The following SGIP1 variants were observed in gnomAD, a reference collection of about 807,000 sequenced individuals.
SGIP1 encodes SH3-containing GRB2-like protein 3-interacting protein 1.
A neutral mutation model predicts 107.5 loss-of-function variants in SGIP1; 38 were observed. That is an observed-to-expected ratio of 0.35 (90% CI 0.27 to 0.46). The LOEUF (loss-of-function observed/expected upper bound fraction) is 0.46. Among genes scored for constraint, SGIP1 ranks in the 20% least tolerant of loss-of-function variants. SGIP1 has a pLI of 1.00. For missense variants in SGIP1, 929 were observed against 1,019.5 expected, an observed-to-expected ratio of 0.91 and a Z score of 1.21; for synonymous variants, 365 against 366.1, an observed-to-expected ratio of 1.00 and a Z score of 0.03.
intron 1 of SGIP1, among the ~76,000 whole-genome samples, chr1:66,587,105 T>A (rs1176695763): frequency 6.6e-6 from 1 of 152,132 alleles, no homozygotes; most frequent in Non-Finnish European, 1.5e-5. Context: ...TTTTTTTCTG[T>A]TTTCTTTTAA....
intron 4 of SGIP1, among the ~76,000 whole-genome samples, chr1:66,638,798 C>A (rs1037316833): frequency 6.6e-6 from 1 of 152,106 alleles, no homozygotes; most frequent in Non-Finnish European, 1.5e-5. Context: ...GTTCAAGTGG[C>A]CTTTATTTGT....
rs528391066 is a variant in SGIP1, at chr1:66,610,982, G to A, written c.11-14865G>A. Among the ~76,000 whole-genome samples, 14 of 152,114 alleles carry A rather than the reference G, an allele frequency of 9.2e-5. No homozygotes were observed. The East Asian group carries it at 2.7e-3, about 29-fold the overall frequency. On this transcript the variant is annotated intron_variant, in intron 1 of 24. Transcript: ENST00000371037. Reference sequence around the variant, plus strand: ...ATGCAATGGACTTTGGAAACTCGGTGGGAAAGGGTGGGAGGGGGGTGAGGG... The same window carrying A: ...ATGCAATGGACTTTGGAAACTCGGTAGGAAAGGGTGGGAGGGGGGTGAGGG...
intron 1 of SGIP1, among the ~76,000 whole-genome samples, chr1:66,534,630 G>C (rs2053147204): frequency 6.6e-6 from 1 of 152,214 alleles, no homozygotes; most frequent in Admixed American, 6.5e-5. Flanking sequence ...AGGGAGCTGA[G>C]ATGGAGCTAG....
intron 1 of SGIP1, among the ~76,000 whole-genome samples, chr1:66,561,720 ACT>A (rs1219341638): frequency 6.6e-6 from 1 of 151,840 alleles, no homozygotes; most frequent in Non-Finnish European, 1.5e-5. Flanking sequence ...CACCTGTCGG[ACT>A]CTCTTGCCCC....
chr1:66,652,039 C>T lies in SGIP1; in HGVS notation c.459+8320C>T, dbSNP rs535189717. Among the ~76,000 whole-genome samples, 22 of 152,144 alleles carry T rather than the reference C, an allele frequency of 1.4e-4. No individual in the cohort carries two copies. The South Asian group carries it at 2.3e-3, about 16-fold the overall frequency. ...GGGAGGTAGTGATGCCCCTATTTTA[C>T]GGAGAAACCAGCACAGAAAGATCAA... On this transcript the variant is annotated intron_variant, in intron 7 of 24. Coordinates refer to ENST00000371037, the MANE Select transcript of SGIP1 (RefSeq NM_032291.4).
chr1:66,702,060 C>T (rs758150826), intron 18 of SGIP1, among the ~76,000 whole-genome samples: 3 of 152,150 alleles, frequency 2.0e-5, no homozygotes, highest in Non-Finnish European at 2.9e-5. Flanking sequence ...TGCAGTGTAT[C>T]GCTGATGAGC....
chr1:66,647,295 A>G (rs2077826183), intron 7 of SGIP1, among the ~76,000 whole-genome samples: 1 of 152,208 alleles, frequency 6.6e-6, no homozygotes, highest in Non-Finnish European at 1.5e-5. Context: ...GAAAGAATAA[A>G]TAAAAAGCAA....
At chr1:66,673,213 T>G in intron 11 of SGIP1, 68 bp from the exon 12 acceptor site, 1 of 1,472,530 alleles carries the variant, frequency 6.8e-7, no homozygotes, top group Non-Finnish European at 9.5e-7. Flanking sequence ...TGTGAAAGCT[T>G]GTATATCTTT....
intron 1 of SGIP1, among the ~76,000 whole-genome samples, chr1:66,552,158 T>C (rs546254998): frequency 6.6e-6 from 1 of 152,264 alleles, no homozygotes; most frequent in Admixed American, 6.5e-5. Flanking sequence ...ATGGGCTTGT[T>C]AAGAAAGCTG....
In SGIP1 at chr1:66,608,486, T is replaced by G. The variant is rs114036185; in HGVS notation, c.11-17361T>G. Among the ~76,000 whole-genome samples the G allele has an allele frequency of 7.5e-3, 1,147 of 152,320 alleles. 18 individuals carry two copies. The highest frequency in any genetic ancestry group is 0.026 in the African/African-American group (1,082 of 41,576). The stretch of plus-strand genomic sequence containing the variant: ...CATTTTTGTAACTATTTTAAACCAT[T>G]TTAAAAGCGCTTTTTACATTGATCA... On this transcript the variant is annotated intron_variant, in intron 1 of 24. Transcript: ENST00000371037.
intron 2 of SGIP1, among the ~76,000 whole-genome samples, chr1:66,627,841 T>C (rs2073248707): frequency 6.6e-6 from 1 of 152,140 alleles, no homozygotes; most frequent in East Asian, 1.9e-4. Context: ...GTTGGTGTGC[T>C]GCATCCATTA....
chr1:66,565,314 AT>A (rs1304500340), intron 1 of SGIP1, among the ~76,000 whole-genome samples: 1 of 152,020 alleles, frequency 6.6e-6, no homozygotes, highest in African/African-American at 2.4e-5. Flanking sequence ...ATGGGCTCTT[AT>A]TTTTGATGGC....
Position 66,681,851 on chromosome 1 carries a change from C to A in SGIP1, c.815-18C>A. On this transcript the variant is annotated intron_variant, in intron 14 of 24. Coordinates refer to ENST00000371037, the MANE Select transcript of SGIP1 (RefSeq NM_032291.4). ...TAATAAGTCAATTAAAGTTTAAAAT[C>A]AACTACTTTAACCACAGGAAATGAC... is the stretch of plus-strand genomic sequence containing the variant. 1 of 1,586,640 alleles carries A rather than the reference C, an allele frequency of 6.3e-7. No individual in the cohort carries two copies. Among genetic ancestry groups the A allele is most frequent in the South Asian group, 1.2e-5 (1 of 86,662 alleles).
At chr1:66,632,337 G>A (rs187060101) in intron 2 of SGIP1, among the ~76,000 whole-genome samples, 1 of 152,302 alleles carries the variant, frequency 6.6e-6, no homozygotes, top group African/African-American at 2.4e-5. Flanking sequence ...TTAGCAAAAT[G>A]TTGTTCTCCA....
At chr1:66,677,745 C>G (rs555803710) in intron 13 of SGIP1, among the ~76,000 whole-genome samples, 1 of 152,272 alleles carries the variant, frequency 6.6e-6, no homozygotes, top group Admixed American at 6.5e-5. Context: ...GTAAAGCCAC[C>G]CTTCTTAAAG....
At chr1:66,625,760 A>C in intron 1 of SGIP1, 87 bp from the exon 2 acceptor site, 1 of 1,124,750 alleles carries the variant, frequency 8.9e-7, no homozygotes, top group African/African-American at 1.6e-5. Context: ...CTAAACATTT[A>C]AGTCTAACTG....
chr1:66,660,598 ATGAC>A (rs1429043521), intron 8 of SGIP1, 74 bp downstream of exon 8: 12 of 1,341,178 alleles, frequency 8.9e-6, no homozygotes, highest in Admixed American at 1.7e-5. Flanking sequence ...TGCATATCTA[ATGAC>A]TGACTGTGTT....
At position 66,553,977 on chromosome 1, in the gene SGIP1, G is replaced by C. The variant is rs141365979; in HGVS notation, c.10+19609G>C. Among the ~76,000 whole-genome samples, 392 of 152,244 alleles carry C rather than the reference G, an allele frequency of 2.6e-3. 2 individuals are homozygous for C. Among genetic ancestry groups the C allele is most frequent in the African/African-American group, 9.2e-3 (383 of 41,558 alleles). On this transcript the variant is annotated intron_variant, in intron 1 of 24. Transcript: ENST00000371037. ...GTGTCCAGCAGGATGTGTCTGGACA[G>C]GCCTCATTTATTCATTGCTGCTTGG...
intron 4 of SGIP1, among the ~76,000 whole-genome samples, chr1:66,639,021 T>A (rs2076295968): frequency 6.6e-6 from 1 of 152,190 alleles, no homozygotes; most frequent in South Asian, 2.1e-4. Context: ...TGATGCCACA[T>A]CTTTGCTCAA....
Sources: gnomAD v4.1 joint callset for allele counts (sites outside exome capture counted in the v4.1 genomes callset) on GRCh38, gnomAD v4.1.1 for gene constraint, MANE v1.5 for transcripts, NCBI Gene and HGNC (gene_info 2026-07-23, HGNC 2026-07-21) for gene names.